The following BPTF variants were observed in gnomAD, a reference collection of about 807,000 sequenced individuals.
BPTF encodes bromodomain PHD finger transcription factor, also known as nucleosome-remodeling factor subunit BPTF.
A neutral mutation model predicts 292.5 loss-of-function variants in BPTF; 18 were observed. The observed-to-expected ratio is 0.06, with a 90% CI of 0.04 to 0.09. The LOEUF (loss-of-function observed/expected upper bound fraction) is 0.09. BPTF is among the 10% of genes least tolerant of loss of function. BPTF has a pLI of 1.00. For synonymous variants in BPTF, 1,225 were observed against 1,251.9 expected (o/e 0.98, Z 0.45); for missense variants, 2,726 against 3,498.7 (o/e 0.78, Z 5.57).
chr17:67,849,275 C>T (rs527578347), intron 1 of BPTF, among the ~76,000 whole-genome samples: 85 of 152,242 alleles, frequency 5.6e-4, no homozygotes, highest in African/African-American at 2.0e-3. Context: ...ATGATTTTTG[C>T]TGCACCTCCA....
chr17:67,972,589 A>G (rs2068885154), intron 26 of BPTF, among the ~76,000 whole-genome samples: 1 of 151,938 alleles, frequency 6.6e-6, no homozygotes, highest in Non-Finnish European at 1.5e-5. Flanking sequence ...AGTTTCATAG[A>G]TTTTTTGGCA....
Position 67,910,862 on chromosome 17 carries a change from G to A in BPTF, c.2993-15G>A. On this transcript the variant is annotated splice_polypyrimidine_tract_variant and intron_variant, in intron 10 of 27. Transcript: ENST00000306378. ...GAGTAAAAATTACATTTATATAAAT[G>A]TCTTTGTTTCACAGATGTGAAGGAG... 2 of 1,525,980 alleles carry A rather than the reference G, an allele frequency of 1.3e-6. No homozygotes were observed. The highest frequency in any genetic ancestry group is 1.8e-6 in the Non-Finnish European group (2 of 1,135,270). The allele number at this position is 1,525,980 out of a possible 1,614,324, so 94.5% of individuals were successfully genotyped here.
chr17:67,925,441 A>G (rs1162444087), intron 15 of BPTF, among the ~76,000 whole-genome samples: 1 of 152,158 alleles, frequency 6.6e-6, no homozygotes, highest in African/African-American at 2.4e-5. Context: ...AGGCAGGAGG[A>G]TCCCTTGAGT....
chr17:67,958,297 AC>A (rs201049130), intron 23 of BPTF, among the ~76,000 whole-genome samples: 1,946 of 152,180 alleles, frequency 0.013, 41 homozygotes, highest in African/African-American at 0.043. Context: ...GTGCCACTGC[AC>A]TCTAGCCTGG....
chr17:67,862,235 G>A (rs1160459002), intron 2 of BPTF, among the ~76,000 whole-genome samples: 1 of 152,076 alleles, frequency 6.6e-6, no homozygotes, highest in Non-Finnish European at 1.5e-5. Flanking sequence ...CTCGGACTCC[G>A]AAAGTGCTGG....
At chr17:67,923,030 T>C in intron 14 of BPTF, 40 bp downstream of exon 14, 1 of 1,578,640 alleles carries the variant, frequency 6.3e-7, no homozygotes, top group Non-Finnish European at 8.6e-7. Context: ...ATTTGAAGAT[T>C]TTATCACTTC....
intron 24 of BPTF, among the ~76,000 whole-genome samples, chr17:67,961,044 T>A (rs1233264453): frequency 3.3e-5 from 5 of 152,246 alleles, no homozygotes; most frequent in Non-Finnish European, 7.3e-5. Context: ...TGCCTCACTT[T>A]AAGCAAAATA....
At chr17:67,925,980 C>A (rs1174493084) in intron 15 of BPTF, among the ~76,000 whole-genome samples, 1 of 145,466 alleles carries the variant, frequency 6.9e-6, no homozygotes, top group African/African-American at 2.5e-5. Context: ...TGCAATGTAA[C>A]CTAACATATT....
intron 18 of BPTF, among the ~76,000 whole-genome samples, chr17:67,938,880 T>C (rs1432559023): frequency 6.6e-6 from 1 of 152,320 alleles, no homozygotes; most frequent in East Asian, 1.9e-4. Flanking sequence ...GGAGAGTGAA[T>C]TCACAAATGA....
At chr17:67,944,015 A>T in intron 19 of BPTF, 135 bp from the exon 20 acceptor site, 1 of 726,342 alleles carries the variant, frequency 1.4e-6, no homozygotes. Context: ...GCTTATCTAA[A>T]TTCCTGCTGG....
Position 67,874,995 on chromosome 17 carries a change from T to C in BPTF, c.1839T>C (p.Asp613=). ...ACAGTGACGACAAAACACCAGATGA[T>C]GACCCTGAGCAAGGAAAATCTGAGG... is the stretch of plus-strand genomic sequence containing the variant. ...EKDSDDKTPD[D]DPEQGKSEVG... is the part of the protein sequence containing the mutation. The change falls in exon 4 of 28, where the codon GAT becomes GAC. Residue 613 remains aspartate, a synonymous_variant. Transcript: ENST00000306378. 1 of 1,613,406 alleles carries C rather than the reference T, an allele frequency of 6.2e-7. No homozygotes were observed.
chr17:67,836,316 A>T (rs907147010), intron 1 of BPTF, among the ~76,000 whole-genome samples: 1 of 152,198 alleles, frequency 6.6e-6, no homozygotes, highest in Non-Finnish European at 1.5e-5. Flanking sequence ...CCAAATGGCA[A>T]TGTTCAGTAG....
chr17:67,921,004 C>T (rs1204589631), intron 13 of BPTF, among the ~76,000 whole-genome samples: 6 of 150,436 alleles, frequency 4.0e-5, no homozygotes, highest in East Asian at 3.9e-4. Context: ...TCCAGGAGTT[C>T]GAGCCCAGCC....
intron 19 of BPTF, 119 bp downstream of exon 19, chr17:67,940,775 G>A (rs2147824513): frequency 8.8e-7 from 1 of 1,131,948 alleles, no homozygotes; most frequent in South Asian, 1.6e-5. Flanking sequence ...AGAAATGGTT[G>A]CTTCCTGGAG....
chr17:67,877,990 C>T (rs1410346021), intron 4 of BPTF, among the ~76,000 whole-genome samples: 1 of 152,190 alleles, frequency 6.6e-6, no homozygotes, highest in African/African-American at 2.4e-5. Context: ...AAGTGAATAA[C>T]TTGATGGATG....
chr17:67,948,785 C>T (rs1445915006), intron 23 of BPTF, among the ~76,000 whole-genome samples: 7 of 152,108 alleles, frequency 4.6e-5, no homozygotes, highest in Non-Finnish European at 8.8e-5. Flanking sequence ...CCCAGAAGTT[C>T]GAGACCATCC....
intron 1 of BPTF, among the ~76,000 whole-genome samples, chr17:67,851,171 C>G (rs941831885): frequency 6.6e-6 from 1 of 151,702 alleles, no homozygotes; most frequent in Non-Finnish European, 1.5e-5. Flanking sequence ...GACCCTAGCT[C>G]TTTTTGTAAC....
Position 67,912,819 on chromosome 17 carries a change from C to T in BPTF, c.4935C>T (p.Asp1645=), listed in dbSNP as rs776265069. Residue 1645 remains aspartate (D), a synonymous_variant, in exon 11 of 28, where the codon GAC becomes GAT. Transcript: ENST00000306378. ...CACCCTCCACAGGCGGCAGTGTGGACATCATCTCTGTAAAGGAGCAGAGCA... is the reference window on the plus strand; with the variant it reads ...CACCCTCCACAGGCGGCAGTGTGGATATCATCTCTGTAAAGGAGCAGAGCA... ...LSTPSTGGSV[D]IISVKEQSKT... The T allele has an allele frequency of 1.2e-6, 2 of 1,614,174 alleles. No homozygotes were observed. Among genetic ancestry groups the T allele is most frequent in the African/African-American group, 2.7e-5 (2 of 75,050 alleles).
At chr17:67,848,702 A>G (rs1228937507) in intron 1 of BPTF, among the ~76,000 whole-genome samples, 1 of 152,254 alleles carries the variant, frequency 6.6e-6, no homozygotes, top group Non-Finnish European at 1.5e-5. Context: ...TTCAGAGAAG[A>G]GAACATCCAT....
Sources: allele counts gnomAD v4.1 joint callset (sites outside exome capture counted in the v4.1 genomes callset), GRCh38; gene constraint gnomAD v4.1.1; transcripts MANE v1.5; gene names NCBI Gene and HGNC (gene_info 2026-07-23, HGNC 2026-07-21).